NCOR2: variants seen among roughly 807,000 people sequenced by gnomAD.
The protein encoded by NCOR2 is nuclear receptor corepressor 2, also known as CTG repeat protein 26.
NCOR2 carries 81 observed loss-of-function variants against 262.9 expected under a neutral mutation model. That is an observed-to-expected ratio of 0.31 (90% CI 0.26 to 0.37). NCOR2 has a LOEUF of 0.37. Among genes scored for constraint, NCOR2 ranks in the 10% least tolerant of loss-of-function variants. The pLI, the probability that NCOR2 is intolerant of heterozygous loss-of-function variation, is 1.00. For missense variants in NCOR2, 3,385 were observed against 3,621.4 expected, an observed-to-expected ratio of 0.93 and a Z score of 1.68; for synonymous variants, 1,659 against 1,559.3, an observed-to-expected ratio of 1.06 and a Z score of -1.51.
chr12:124,511,532 G>C (rs2137023014), intron 1 of NCOR2, among the ~76,000 whole-genome samples: 1 of 152,346 alleles, frequency 6.6e-6, no homozygotes, highest in South Asian at 2.1e-4. Context: ...GGGGCCTGGG[G>C]CAAAGCCGGG....
intron 1 of NCOR2, among the ~76,000 whole-genome samples, chr12:124,533,766 G>A (rs760306758): frequency 7.9e-5 from 12 of 152,118 alleles, no homozygotes; most frequent in Non-Finnish European, 1.5e-4. Context: ...GTGGCTGTGG[G>A]AGCACGATGG....
chr12:124,416,050 A>G (rs1268587862), intron 13 of NCOR2, among the ~76,000 whole-genome samples: 1 of 152,168 alleles, frequency 6.6e-6, no homozygotes, highest in Non-Finnish European at 1.5e-5. Flanking sequence ...CCAGCTCGTC[A>G]TCAAAGATCA....
chr12:124,398,298 C>A, intron 15 of NCOR2, 117 bp from the exon 18 acceptor site: 3 of 1,133,578 alleles, frequency 2.6e-6, no homozygotes. Flanking sequence ...GGTGTCACCG[C>A]ACGGCTCTGA....
intron 1 of NCOR2, among the ~76,000 whole-genome samples, chr12:124,505,238 A>G (rs1359320338): frequency 6.6e-6 from 1 of 152,138 alleles, no homozygotes; most frequent in Non-Finnish European, 1.5e-5. Flanking sequence ...CTGAGCCTTC[A>G]GCTCCTGCCT....
At chr12:124,478,864 T>C (rs1168558491) in intron 3 of NCOR2, among the ~76,000 whole-genome samples, 2 of 149,946 alleles carry the variant, frequency 1.3e-5, no homozygotes, top group East Asian at 2.0e-4. Flanking sequence ...GAGAAAGAGA[T>C]GGAGAGGCAG....
chr12:124,372,394 G>T lies in NCOR2; in HGVS notation c.2435C>A (p.Pro812His), dbSNP rs1450987896. ...AGGAGGAGGTGCAGAGGGCGATGGG[G>T]GTGCTGGTGGGGGCGTAGGGGCTCC... Residue 812 changes from proline to histidine, a missense_variant, in exon 20 of 47, where the codon CCC (proline) becomes CAC (histidine). Physicochemically the swap from Pro to His is moderately conservative, Grantham distance 77. Transcript: ENST00000405201. 4 of 1,503,030 alleles carry T rather than the reference G, an allele frequency of 2.7e-6. No individual in the cohort carries two copies. The highest frequency in any genetic ancestry group is 2.0e-4 in the Middle Eastern group (1 of 5,116). The allele number at this position is 1,503,030 out of a possible 1,614,324, so 93.1% of individuals were successfully genotyped here. A position where few individuals can be genotyped will look rare whatever the true frequency, so the allele number is the denominator to read the frequency against.
chr12:124,472,911 G>C, intron 4 of NCOR2, 41 bp downstream of exon 6: 1 of 1,608,678 alleles, frequency 6.2e-7, no homozygotes, highest in Non-Finnish European at 8.5e-7. Flanking sequence ...CTAGAATGGA[G>C]ACTCAGAACA....
At chr12:124,442,324 A>C (rs2044857089) in intron 7 of NCOR2, among the ~76,000 whole-genome samples, 1 of 152,106 alleles carries the variant, frequency 6.6e-6, no homozygotes, top group Admixed American at 6.5e-5. Flanking sequence ...ATTTTTTGGT[A>C]GAGATGAGGT....
Position 124,362,275 on chromosome 12 carries a change from G to C in NCOR2, c.2951C>G (p.Pro984Arg), listed in dbSNP as rs764926503. 3.0e-6 allele frequency: 4 copies of C among 1,313,920 alleles called. No individual in the cohort carries two copies. The African/African-American group carries it at 4.5e-5, about 15-fold the overall frequency. 81.4% of individuals were successfully genotyped at this position (1,313,920 alleles called of 1,614,324 possible). A position where few individuals can be genotyped will look rare whatever the true frequency, so the allele number is the denominator to read the frequency against. ...GGTGGGAGCTGCGTCCTCCCGGGGG[G>C]GCTCATGGACTTTGGTGACCTGCTG... The change falls in exon 22 of 47, where the codon CCC (proline) becomes CGC (arginine). Residue 984 changes from proline (P) to arginine (R), a missense_variant. Coordinates refer to ENST00000405201, the Ensembl canonical transcript of NCOR2.
chr12:124,461,184 G>A (rs554880595), intron 5 of NCOR2, among the ~76,000 whole-genome samples: 2 of 152,262 alleles, frequency 1.3e-5, no homozygotes, highest in Admixed American at 6.5e-5. Flanking sequence ...CCCCACGCAC[G>A]TCCTCCCACG....
chr12:124,436,611 C>G (rs560233756), intron 8 of NCOR2, among the ~76,000 whole-genome samples: 1 of 152,338 alleles, frequency 6.6e-6, no homozygotes, highest in Non-Finnish European at 1.5e-5. Flanking sequence ...GAGCCAAAAC[C>G]AGGCAGCCTC....
intron 10 of NCOR2, among the ~76,000 whole-genome samples, chr12:124,428,158 G>A (rs1375079390): frequency 3.3e-5 from 5 of 150,916 alleles, no homozygotes; most frequent in South Asian, 4.2e-4. Context: ...GAGGGCCACC[G>A]GCCTCCTCCT....
intron 11 of NCOR2, 37 bp downstream of exon 13, chr12:124,426,585 G>A (rs2043567404): frequency 6.5e-7 from 1 of 1,529,652 alleles, no homozygotes; most frequent in Admixed American, 1.8e-5. Context: ...ATGGGGGTGG[G>A]GGGCCGGGAG....
At chr12:124,356,663 C>A (rs780540004) in exon 23 of NCOR2, 1 of 1,452,670 alleles carries the variant, frequency 6.9e-7, no homozygotes, top group Admixed American at 3.0e-5. Flanking sequence ...TAGGAGAAGG[C>A]TGAGGGGTCC....
intron 13 of NCOR2, among the ~76,000 whole-genome samples, chr12:124,411,974 G>A (rs147169139): frequency 3.9e-5 from 6 of 152,322 alleles, no homozygotes; most frequent in South Asian, 2.1e-4. Flanking sequence ...CTGCATCCCC[G>A]TGTCAGAACA....
At chr12:124,348,487 G>A in intron 28 of NCOR2, 173 bp from the exon 31 acceptor site, 4 of 851,002 alleles carry the variant, frequency 4.7e-6, no homozygotes, top group Non-Finnish European at 6.9e-6. Context: ...GCAGGCCCTG[G>A]GGGCCTGCCA....
In NCOR2 at chr12:124,473,185, T is replaced by C. The variant is rs2046915267; in HGVS notation, c.412-54A>G. On this transcript the variant is annotated intron_variant, in intron 3 of 46. Coordinates refer to ENST00000405201, the Ensembl canonical transcript of NCOR2. ...TCAGCACAGGGGACACCCCCCAGTC[T>C]GTACAACCCTGTGATGGTTAATACT... 3.1e-6 allele frequency: 5 copies of C among 1,592,398 alleles called. No individual in the cohort carries two copies. The East Asian group carries it at 1.1e-4, about 36-fold the overall frequency.
At position 124,389,627 on chromosome 12, in the gene NCOR2, C is replaced by G. The variant is rs994487329; in HGVS notation, c.1877-3740G>C. On this transcript the variant is annotated intron_variant, in intron 16 of 46. Transcript: ENST00000405201. This position sits in a 1 kb window ranked among gnomAD's most constrained non-coding sequence, Gnocchi z 4.4. ...TGCCCCCTGCCTGGCCTGATGCTGC[C>G]GAGGCTGACCGAGCCCTCTGTCGGG... Among the ~76,000 whole-genome samples the G allele has an allele frequency of 1.3e-5, 2 of 152,134 alleles. No individual in the cohort carries two copies. The highest frequency in any genetic ancestry group is 6.5e-5 in the Admixed American group (1 of 15,284).
chr12:124,352,428 C>T (rs56065860), intron 27 of NCOR2, among the ~76,000 whole-genome samples: 52,858 of 151,402 alleles, frequency 0.35, 9,773 homozygotes, highest in East Asian at 0.58. Context: ...GGCTGGAGTG[C>T]AGAACACTGT....
Sources: allele counts gnomAD v4.1 joint callset (sites outside exome capture counted in the v4.1 genomes callset), GRCh38; gene constraint gnomAD v4.1.1; non-coding constraint Gnocchi (gnomAD v3.1); transcripts MANE v1.5; gene names NCBI Gene and HGNC (gene_info 2026-07-23, HGNC 2026-07-21).